Variants in RABL2B observed in about 807,000 individuals in gnomAD.
The protein encoded by RABL2B is rab-like protein 2B.
RABL2B carries 17 observed loss-of-function variants against 26.7 expected under a neutral mutation model. That is an observed-to-expected ratio of 0.64 (90% confidence interval 0.44 to 0.95). The LOEUF (loss-of-function observed/expected upper bound fraction) is 0.95, where lower values mean the gene tolerates loss of function less well. Ranked by LOEUF, RABL2B falls within the 40% of genes least tolerant of loss-of-function variation. RABL2B has a pLI of 0.00. For missense variants in RABL2B, 170 were observed against 277.2 expected, an observed-to-expected ratio of 0.61 and a Z score of 2.75; for synonymous variants, 70 against 103.9, an observed-to-expected ratio of 0.67 and a Z score of 1.99.
rs782198690 is a variant in RABL2B, at chr22:50,775,768, G to A, written c.297+4C>T. 3.7e-6 allele frequency: 6 copies of A among 1,614,094 alleles called. No individual in the cohort carries two copies. Among genetic ancestry groups the A allele is most frequent in the East Asian group, 2.2e-5 (1 of 44,882 alleles). ...CCTTTGTCCACCTCCCCACCGTCTC[G>A]TACCATGATGCAGGCGTGGGCCTTG... On this transcript the variant is annotated splice_donor_region_variant and intron_variant, in intron 5 of 8. Transcript: ENST00000691320.
chr22:50,780,424 C>T lies in RABL2B; in HGVS notation c.107+1764G>A, dbSNP rs192140144. Among the ~76,000 whole-genome samples the T allele has an allele frequency of 6.9e-3, 839 of 122,398 alleles. 4 individuals carry two copies. The highest frequency in any genetic ancestry group is 0.011 in the Non-Finnish European group (681 of 60,158). 80.3% of individuals were successfully genotyped at this position (122,398 alleles called of 152,430 possible). ...TTTTTTTTTTTTTTTTTTTTTGAGACAGGGTCTTGCTCTGTCACTAGGCTA... is the reference window on the plus strand; with the variant it reads ...TTTTTTTTTTTTTTTTTTTTTGAGATAGGGTCTTGCTCTGTCACTAGGCTA... On this transcript the variant is annotated intron_variant, in intron 2 of 8. Coordinates refer to ENST00000691320, the MANE Select transcript of RABL2B (RefSeq NM_001130919.3).
Position 50,768,494 on chromosome 22 carries a change from T to C in RABL2B, c.*282A>G, listed in dbSNP as rs2083686545. 1.7e-6 allele frequency: 1 copy of C among 590,482 alleles called. No individual in the cohort carries two copies. Among genetic ancestry groups the C allele is most frequent in the South Asian group, 2.1e-5 (1 of 46,914 alleles). The allele number at this position is 590,482 out of a possible 1,614,324, so 36.6% of individuals were successfully genotyped here. ...ACATAATCATGTTTTCTGATTCTCT[T>C]CACTGTCTGCCTGCGGGGAGGGGGT... On this transcript the variant is annotated 3_prime_UTR_variant, in exon 9 of 9. Transcript: ENST00000691320.
chr22:50,780,461 C>T (rs1352074893), intron 2 of RABL2B, among the ~76,000 whole-genome samples: 10 of 141,088 alleles, frequency 7.1e-5, no homozygotes, highest in South Asian at 6.6e-4. Context: ...AGTGCAGTGG[C>T]GCAATCATAG....
At chr22:50,769,285 G>T in intron 7 of RABL2B, 161 bp from the exon 8 acceptor site, 2 of 1,176,440 alleles carry the variant, frequency 1.7e-6, no homozygotes, top group South Asian at 1.4e-5. Context: ...ATGGTCAATG[G>T]ACTTCTGCCT....
intron 5 of RABL2B, among the ~76,000 whole-genome samples, chr22:50,774,083 G>A (rs2084603539): frequency 6.6e-6 from 1 of 152,160 alleles, no homozygotes; most frequent in Non-Finnish European, 1.5e-5. Flanking sequence ...TTTTAGTAGA[G>A]ACGGGGTTTC....
intron 5 of RABL2B, chr22:50,772,217 C>T (rs1410673874): frequency 8.0e-5 from 32 of 400,140 alleles, no homozygotes; most frequent in African/African-American, 6.1e-4. Context: ...CTAGTAGAGA[C>T]GGGGTTTCAA....
In RABL2B at chr22:50,768,515, G is replaced by C. The variant is rs1388149548; in HGVS notation, c.*261C>G. 1.4e-5 allele frequency: 10 copies of C among 732,874 alleles called. No individual in the cohort carries two copies. The highest frequency in any genetic ancestry group is 1.0e-4 in the South Asian group (5 of 49,472). The allele number at this position is 732,874 out of a possible 1,614,324, so 45.4% of individuals were successfully genotyped here. ...CTCTTCACTGTCTGCCTGCGGGGAGGGGGTGGGGAAGGTGTTAATGATGCT... is the reference window on the plus strand; with the variant it reads ...CTCTTCACTGTCTGCCTGCGGGGAGCGGGTGGGGAAGGTGTTAATGATGCT... On this transcript the variant is annotated 3_prime_UTR_variant, in exon 9 of 9. Transcript: ENST00000691320.
At chr22:50,780,505 G>T in intron 2 of RABL2B, 1 of 352,178 alleles carries the variant, frequency 2.8e-6, no homozygotes, top group Non-Finnish European at 5.8e-6. Flanking sequence ...ACCTCTTAAT[G>T]GGTGTTTTAG....
rs1603448452 is a variant in RABL2B, at chr22:50,768,196, C to T, written c.*580G>A. On this transcript the variant is annotated 3_prime_UTR_variant, in exon 9 of 9. Transcript: ENST00000691320. ...CAGAGGTTGCAGCGAGCCGAGACTG[C>T]GCCACTGCACTCCAGCCTGGCGACA... 3 of 198,708 alleles carry T rather than the reference C, an allele frequency of 1.5e-5. No individual in the cohort carries two copies. Among genetic ancestry groups the T allele is most frequent in the East Asian group, 1.6e-4 (1 of 6,162 alleles). 12.3% of individuals were successfully genotyped at this position (198,708 alleles called of 1,614,324 possible). A position where few individuals can be genotyped will look rare whatever the true frequency, so the allele number is the denominator to read the frequency against.
intron 5 of RABL2B, among the ~76,000 whole-genome samples, chr22:50,774,135 T>C (rs1603449968): frequency 6.6e-6 from 1 of 152,198 alleles, no homozygotes; most frequent in Non-Finnish European, 1.5e-5. Context: ...AACCTCGTGA[T>C]CCGCCCGCCT....
At chr22:50,780,521 C>G in intron 2 of RABL2B, 1 of 364,482 alleles carries the variant, frequency 2.7e-6, no homozygotes, top group Non-Finnish European at 5.6e-6. Flanking sequence ...TTTAGCCCAA[C>G]TGAGTTTAGA....
rs146575623 is a variant in RABL2B, at chr22:50,777,972, C to T, written c.117G>A (p.Glu39=). The change falls in exon 3 of 9, where the codon GAG becomes GAA. Residue 39 remains glutamate, a synonymous_variant. Coordinates refer to ENST00000691320, the MANE Select transcript of RABL2B (RefSeq NM_001130919.3). ...GATACAAGCCATCCATGAGAAATCTCTCCATGAGTCTGTAAGCAGAACAGG... is the reference window on the plus strand; with the variant it reads ...GATACAAGCCATCCATGAGAAATCTTTCCATGAGTCTGTAAGCAGAACAGG... ...DSAVGKSKLM[E]RFLMDGFQPQ... The T allele has an allele frequency of 3.7e-5, 59 of 1,614,118 alleles. No individual in the cohort carries two copies. The African/African-American group carries it at 6.9e-4, about 19-fold the overall frequency.
chr22:50,767,998 T>C lies in RABL2B; in HGVS notation c.*778A>G, dbSNP rs3888555. The C allele has an allele frequency of 0.22, 65,677 of 301,042 alleles. 7,465 individuals carry two copies. Among genetic ancestry groups the C allele is most frequent in the Non-Finnish European group, 0.25 (38,161 of 154,460 alleles). The allele number at this position is 301,042 out of a possible 1,614,324, so 18.6% of individuals were successfully genotyped here. Reference sequence around the variant, plus strand: ...GGCCGGGCGCGGTGGCTCATGCCTGTAATCCCAGCACTTTGGGAGGCCGAG... The same window carrying C: ...GGCCGGGCGCGGTGGCTCATGCCTGCAATCCCAGCACTTTGGGAGGCCGAG... On this transcript the variant is annotated 3_prime_UTR_variant, in exon 9 of 9. Transcript: ENST00000691320.
chr22:50,770,263 C>G lies in RABL2B; in HGVS notation c.298-247G>C, dbSNP rs142631772. 4.5e-4 allele frequency: 224 copies of G among 492,996 alleles called. 8 individuals are homozygous for G. The East Asian group carries it at 0.011, about 24-fold the overall frequency. The allele number at this position is 492,996 out of a possible 1,614,324, so 30.5% of individuals were successfully genotyped here. ...CAGTGCAGTGGCTCACACCTGTAAT[C>G]CCAGCACTTTGGGAGGTTGAGGTGG... On this transcript the variant is annotated intron_variant, in intron 5 of 8. Transcript: ENST00000691320.
rs1205634680 is a variant in RABL2B, at chr22:50,768,585, A to G, written c.*191T>C. On this transcript the variant is annotated 3_prime_UTR_variant, in exon 9 of 9. Coordinates refer to ENST00000691320, the MANE Select transcript of RABL2B (RefSeq NM_001130919.3). ...AGGAGATCTGGTGGGGAATTCTTCCACCAGTCCAGAGTTTGCTGGTGCTGA... is the reference window on the plus strand; with the variant it reads ...AGGAGATCTGGTGGGGAATTCTTCCGCCAGTCCAGAGTTTGCTGGTGCTGA... 7.3e-7 allele frequency: 1 copy of G among 1,366,440 alleles called. No homozygotes were observed. Among genetic ancestry groups the G allele is most frequent in the Non-Finnish European group, 9.7e-7 (1 of 1,026,276 alleles). 84.6% of individuals were successfully genotyped at this position (1,366,440 alleles called of 1,614,324 possible).
intron 7 of RABL2B, 135 bp from the exon 8 acceptor site, chr22:50,769,259 T>C (rs1315444529): frequency 1.5e-6 from 1 of 661,132 alleles, no homozygotes; most frequent in African/African-American, 1.9e-5. Flanking sequence ...CCTCTCCCCG[T>C]CACCCTGACC....
chr22:50,770,379 T>C (rs1322457036), intron 5 of RABL2B: 3 of 310,118 alleles, frequency 9.7e-6, no homozygotes, highest in Non-Finnish European at 1.9e-5. Context: ...TAGCTGGGCC[T>C]GGTGGCGCAT....
At chr22:50,771,996 ATTTTT>A (rs1208720665) in intron 5 of RABL2B, 1 of 151,306 alleles carries the variant, frequency 6.6e-6, no homozygotes, top group African/African-American at 2.4e-5. Flanking sequence ...TACCTATTTT[ATTTTT>A]ATTTATTTAT....
rs1402074791 is a variant in RABL2B at position 50,767,557 on chromosome 22, C to T, written c.*1219G>A. The stretch of plus-strand genomic sequence containing the variant: ...AAAAGGAAACAACAAAAACAAAACC[C>T]TATTAATAAACACAATGCAAACAAT... On this transcript the variant is annotated 3_prime_UTR_variant, in exon 9 of 9. Transcript: ENST00000691320. The T allele has an allele frequency of 2.1e-5, 7 of 336,036 alleles. No individual in the cohort carries two copies. The highest frequency in any genetic ancestry group is 1.1e-4 in the African/African-American group (5 of 45,100). The allele number at this position is 336,036 out of a possible 1,614,324, so 20.8% of individuals were successfully genotyped here. A position where few individuals can be genotyped will look rare whatever the true frequency, so the allele number is the denominator to read the frequency against.
Sources: gnomAD v4.1 joint callset for allele counts (sites outside exome capture counted in the v4.1 genomes callset) on GRCh38, gnomAD v4.1.1 for gene constraint, MANE v1.5 for transcripts, NCBI Gene and HGNC (gene_info 2026-07-23, HGNC 2026-07-21) for gene names.